Variants in SH3KBP1 observed in about 807,000 individuals in gnomAD.
SH3KBP1 encodes SH3 domain containing kinase binding protein 1.
SH3KBP1 carries 8 observed loss-of-function variants against 50.1 expected under a neutral mutation model. That is an observed-to-expected ratio of 0.16 (90% CI 0.09 to 0.29). The LOEUF (loss-of-function observed/expected upper bound fraction) is 0.29, where lower values mean the gene tolerates loss of function less well. Among genes scored for constraint, SH3KBP1 ranks in the 10% least tolerant of loss-of-function variants. SH3KBP1 has a pLI of 1.00. For synonymous variants in SH3KBP1, 227 were observed against 218.6 expected, an observed-to-expected ratio of 1.04 and a Z score of -0.34; for missense variants, 377 against 535.2, an observed-to-expected ratio of 0.70 and a Z score of 2.92.
At chrX:19,604,454 G>A (rs933113185) in intron 9 of SH3KBP1, among the ~76,000 whole-genome samples, 4 of 111,622 alleles carry the variant, frequency 3.6e-5, no homozygotes, top group Admixed American at 9.5e-5. Flanking sequence ...AATGCTCTGC[G>A]GATGCCTACG....
At chrX:19,741,260 A>G (rs753303664) in intron 3 of SH3KBP1, among the ~76,000 whole-genome samples, 1 of 112,163 alleles carries the variant, frequency 8.9e-6, no homozygotes, top group South Asian at 3.7e-4. Context: ...ACCCTCCCCC[A>G]TCTTAACTTG....
intron 2 of SH3KBP1, among the ~76,000 whole-genome samples, chrX:19,752,898 A>G (rs1310064813): frequency 8.9e-6 from 1 of 111,906 alleles, no homozygotes; most frequent in Non-Finnish European, 1.9e-5. Flanking sequence ...AGGTGGTCGG[A>G]ATGTGCCAGA....
At chrX:19,689,310 A>G (rs944298019) in intron 5 of SH3KBP1, among the ~76,000 whole-genome samples, 11 of 112,351 alleles carry the variant, frequency 9.8e-5, no homozygotes, top group African/African-American at 3.6e-4. Context: ...ATTACTCCTC[A>G]GAACACAGCT....
At chrX:19,732,596 TACACACACACAC>T (rs60032683) in intron 3 of SH3KBP1, among the ~76,000 whole-genome samples, 10 of 90,744 alleles carry the variant, frequency 1.1e-4, no homozygotes, top group South Asian at 1.2e-3. Context: ...TAAAAATCCC[TACACACACACAC>T]ACACACACAC....
rs933865481 is a variant in SH3KBP1 at position 19,588,884 on chromosome X, A to T, written c.1139-82T>A. The T allele has an allele frequency of 2.5e-5, 21 of 832,288 alleles. No homozygotes were observed. In the African/African-American group the frequency reaches 3.6e-4, roughly 14 times the overall value. 68.6% of individuals were successfully genotyped at this position (832,288 alleles called of 1,213,427 possible). A position where few individuals can be genotyped will look rare whatever the true frequency, so the allele number is the denominator to read the frequency against. ...ATGCAGATCACTCATTTCCTGCTAA[A>T]AAAAAAAAAAATTACTGATGCTATT... On this transcript the variant is annotated intron_variant, in intron 11 of 17. Transcript: ENST00000397821.
intron 1 of SH3KBP1, among the ~76,000 whole-genome samples, chrX:19,838,886 CAA>C (rs1187740894): frequency 6.7e-5 from 2 of 30,067 alleles, no homozygotes; most frequent in Admixed American, 4.0e-4. Context: ...AACTTTGTCT[CAA>C]AAAAAAAAAA....
intron 13 of SH3KBP1, among the ~76,000 whole-genome samples, chrX:19,557,557 G>A (rs958803641): frequency 1.7e-4 from 19 of 111,961 alleles, no homozygotes; most frequent in African/African-American, 5.9e-4. Context: ...TATTCAAATC[G>A]TAGCCACCAG....
At chrX:19,592,337 T>G (rs748791166) in intron 10 of SH3KBP1, among the ~76,000 whole-genome samples, 190 bp from the exon 11 acceptor site, 81 of 111,858 alleles carry the variant, frequency 7.2e-4, no homozygotes, top group Non-Finnish European at 1.4e-3. Flanking sequence ...CCTATGTCAT[T>G]AAGTTCACCT....
intron 2 of SH3KBP1, among the ~76,000 whole-genome samples, chrX:19,754,258 A>C (rs967696787): frequency 2.7e-5 from 3 of 112,016 alleles, no homozygotes; most frequent in African/African-American, 9.7e-5. Context: ...GACAAAAATG[A>C]GAACGACTAC....
At chrX:19,709,627 A>G (rs2063731122) in intron 3 of SH3KBP1, among the ~76,000 whole-genome samples, 1 of 111,818 alleles carries the variant, frequency 8.9e-6, no homozygotes, top group African/African-American at 3.3e-5. Context: ...GCAACACTGT[A>G]CCACGTCACT....
intron 2 of SH3KBP1, among the ~76,000 whole-genome samples, chrX:19,813,423 G>A (rs1043899252): frequency 3.6e-5 from 4 of 110,000 alleles, no homozygotes; most frequent in African/African-American, 1.3e-4. Flanking sequence ...TATATACACC[G>A]TGAAATGACG....
chrX:19,600,260 T>C (rs893987709), intron 9 of SH3KBP1, among the ~76,000 whole-genome samples: 69 of 110,291 alleles, frequency 6.3e-4, no homozygotes, highest in African/African-American at 2.1e-3. Flanking sequence ...GGCGCATGCC[T>C]GTGGTCCCAT....
At chrX:19,833,208 T>C (rs2067955656) in intron 2 of SH3KBP1, among the ~76,000 whole-genome samples, 1 of 102,556 alleles carries the variant, frequency 9.8e-6, no homozygotes, top group Non-Finnish European at 2.0e-5. Flanking sequence ...CCCAGGGCCC[T>C]CCTCCCTCTT....
chrX:19,885,487 G>A (rs1261079999), intron 1 of SH3KBP1, among the ~76,000 whole-genome samples: 5 of 111,679 alleles, frequency 4.5e-5, no homozygotes, highest in Non-Finnish European at 5.6e-5. Flanking sequence ...AGTACAAAAG[G>A]ACTAAAAACT....
chrX:19,543,105 G>C (rs906579732), intron 15 of SH3KBP1, among the ~76,000 whole-genome samples: 2 of 111,635 alleles, frequency 1.8e-5, no homozygotes, highest in African/African-American at 6.5e-5. Context: ...AGCCGACATA[G>C]AGCACCAGGC....
At chrX:19,699,964 C>T (rs2063506063) in intron 4 of SH3KBP1, among the ~76,000 whole-genome samples, 1 of 111,543 alleles carries the variant, frequency 9.0e-6, no homozygotes, top group Non-Finnish European at 1.9e-5. Flanking sequence ...ACAGTCTACC[C>T]AAGGGCACAA....
intron 12 of SH3KBP1, 131 bp downstream of exon 12, chrX:19,588,512 G>C (rs1394677483): frequency 3.3e-6 from 4 of 1,208,839 alleles, no homozygotes; most frequent in East Asian, 5.9e-5. Context: ...TTTGCTGGAG[G>C]ATGTAAGAGG....
chrX:19,874,304 G>C lies in SH3KBP1; in HGVS notation c.4+13003C>G, dbSNP rs1264675334. 3.1e-5 allele frequency among the ~76,000 whole-genome samples: 3 copies of C among 97,026 alleles called. No homozygotes were observed. The East Asian group carries it at 9.8e-4, about 32-fold the overall frequency. 84.3% of individuals were successfully genotyped at this position (97,026 alleles called of 115,157 possible). A position where few individuals can be genotyped will look rare whatever the true frequency, so the allele number is the denominator to read the frequency against. On this transcript the variant is annotated intron_variant, in intron 1 of 17. Transcript: ENST00000397821. ...GTGCAAGAGAGAAGAGGGGTTGAGG[G>C]AGAGTGGGCACTGGGGCCAGAGTGG...
chrX:19,566,844 C>A (rs1393197586), intron 13 of SH3KBP1, among the ~76,000 whole-genome samples: 1 of 111,087 alleles, frequency 9.0e-6, no homozygotes, highest in Non-Finnish European at 1.9e-5. Context: ...ACATCCTAGC[C>A]CCAAGCCTGC....
Sources: allele counts gnomAD v4.1 joint callset (sites outside exome capture counted in the v4.1 genomes callset), GRCh38; gene constraint gnomAD v4.1.1; transcripts MANE v1.5; gene names NCBI Gene and HGNC (gene_info 2026-07-23, HGNC 2026-07-21).